The following FGR variants were observed in gnomAD, a reference collection of about 807,000 sequenced individuals.
FGR encodes FGR proto-oncogene, Src family tyrosine kinase, also known as tyrosine-protein kinase Fgr.
A neutral mutation model predicts 63.2 loss-of-function variants in FGR; 26 were observed. The observed-to-expected ratio is 0.41, with a 90% CI of 0.30 to 0.57. FGR has a LOEUF of 0.57. Among genes scored for constraint, FGR ranks in the 20% least tolerant of loss-of-function variants. The pLI, the probability that FGR is intolerant of heterozygous loss-of-function variation, is 0.27. For synonymous variants in FGR, 286 were observed against 277.7 expected (o/e 1.03, Z -0.30); for missense variants, 511 against 690.8 (o/e 0.74, Z 2.92).
At chr1:27,613,476 G>A (rs2089735981) in intron 11 of FGR, 126 bp from the exon 12 acceptor site, 2 of 1,034,666 alleles carry the variant, frequency 1.9e-6, no homozygotes, top group Non-Finnish European at 2.8e-6. Flanking sequence ...GCCAAGGCAG[G>A]CGGATCACTT....
At position 27,612,997 on chromosome 1, in the gene FGR, G is replaced by C. The variant is rs200096273; in HGVS notation, c.1507C>G (p.Pro503Ala). 6.2e-7 allele frequency: 1 copy of C among 1,614,110 alleles called. No homozygotes were observed. Among genetic ancestry groups the C allele is most frequent in the African/African-American group, 1.3e-5 (1 of 74,942 alleles). Reference protein sequence around the residue: ...QTWRLDPEERPTFEYLQSFLE... With the variant: ...QTWRLDPEERATFEYLQSFLE... ...AAGGACTGCAGGTACTCGAAGGTAG[G>C]CCTCTCCTCCGGGTCCAGACGCCAG... is the stretch of plus-strand genomic sequence containing the variant. The change falls in exon 13 of 13, where the codon CCT becomes GCT. Residue 503 changes from proline (P) to alanine (A), a missense_variant. Pro to Ala is a conservative substitution (Grantham distance 27). Transcript: ENST00000374005.
intron 1 of FGR, chr1:27,626,320 T>C (rs1392400373): frequency 2.5e-6 from 1 of 397,698 alleles, no homozygotes; most frequent in Non-Finnish European, 4.4e-6. Flanking sequence ...TTGTGAACCC[T>C]GATTTGCCCC....
chr1:27,631,170 G>C (rs1175731788), intron 1 of FGR, among the ~76,000 whole-genome samples: 1 of 152,194 alleles, frequency 6.6e-6, no homozygotes, highest in South Asian at 2.1e-4. Context: ...ATTAATTCAA[G>C]TCCAGAGTTC....
chr1:27,614,099 A>G (rs186376657), intron 11 of FGR, among the ~76,000 whole-genome samples: 64 of 152,348 alleles, frequency 4.2e-4, no homozygotes, highest in African/African-American at 1.5e-3. Context: ...CAGAATTCCC[A>G]CTGTTACACG....
chr1:27,628,586 G>T (rs1312721645), intron 1 of FGR, among the ~76,000 whole-genome samples: 1 of 145,932 alleles, frequency 6.9e-6, no homozygotes, highest in Non-Finnish European at 1.5e-5. Context: ...CGGTGACATG[G>T]ACCCACATAG....
At chr1:27,629,784 G>A (rs2090078666) in intron 1 of FGR, among the ~76,000 whole-genome samples, 1 of 152,224 alleles carries the variant, frequency 6.6e-6, no homozygotes, top group South Asian at 2.1e-4. Flanking sequence ...GTGGGTTTAT[G>A]ACTACCCTTA....
chr1:27,616,841 A>G lies in FGR; in HGVS notation c.682+16T>C. ...TTCAGTTGGTTGGTTCAGGGATCTGAGGCCCCTGCCCTCACCCATGTAGTG... is the reference window on the plus strand; with the variant it reads ...TTCAGTTGGTTGGTTCAGGGATCTGGGGCCCCTGCCCTCACCCATGTAGTG... On this transcript the variant is annotated intron_variant, in intron 7 of 12. Transcript: ENST00000374005. This position sits in a 1 kb window ranked among gnomAD's most constrained non-coding sequence, Gnocchi z 4.3. 1.2e-6 allele frequency: 2 copies of G among 1,613,800 alleles called. No individual in the cohort carries two copies. Among genetic ancestry groups the G allele is most frequent in the Non-Finnish European group, 1.7e-6 (2 of 1,179,822 alleles).
intron 4 of FGR, among the ~76,000 whole-genome samples, chr1:27,622,453 C>G (rs1355115269): frequency 6.6e-6 from 1 of 151,972 alleles, no homozygotes; most frequent in Non-Finnish European, 1.5e-5. Context: ...CTCTCTTCCT[C>G]TTTTCTTACC....
intron 1 of FGR, chr1:27,626,168 C>G (rs555554699): frequency 5.0e-6 from 2 of 398,666 alleles, no homozygotes; most frequent in African/African-American, 4.1e-5. Context: ...ATCCTCTGAG[C>G]AACAGGGCAG....
intron 10 of FGR, 47 bp from the exon 11 acceptor site, chr1:27,614,630 A>C (rs780430975): frequency 6.2e-7 from 1 of 1,602,968 alleles, no homozygotes; most frequent in East Asian, 2.2e-5. Context: ...TGGACTCACA[A>C]CACCGTGGCC....
At chr1:27,632,041 G>C (rs926088566) in intron 1 of FGR, among the ~76,000 whole-genome samples, 2 of 151,418 alleles carry the variant, frequency 1.3e-5, no homozygotes, top group Admixed American at 1.3e-4. Context: ...TCCTCTCACC[G>C]AGACCCTCCA....
At chr1:27,626,959 G>C (rs1443060314) in intron 1 of FGR, among the ~76,000 whole-genome samples, 1 of 151,960 alleles carries the variant, frequency 6.6e-6, no homozygotes, top group Non-Finnish European at 1.5e-5. Context: ...TTGAGCCCAG[G>C]AGCTTGAGAC....
rs1222768368 is a variant in FGR, at chr1:27,613,083, C to T, written c.1421G>A (p.Gly474Asp). The change falls in exon 13 of 13, where the codon GGC becomes GAC. Residue 474 changes from glycine to aspartate, a missense_variant. Gly to Asp is a moderately conservative substitution (Grantham distance 94, BLOSUM62 -1). Transcript: ENST00000374005. Reference sequence around the variant, plus strand: ...GCCTGGAGGGCACGGCATGTGGTAGCCCTGCTCCACCTGTTCCAACACTTC... The same window carrying T: ...GCCTGGAGGGCACGGCATGTGGTAGTCCTGCTCCACCTGTTCCAACACTTC... ...KREVLEQVEQ[G>D]YHMPCPPGCP... is the part of the protein sequence containing the mutation. 1.2e-6 allele frequency: 2 copies of T among 1,614,188 alleles called. No individual in the cohort carries two copies. The highest frequency in any genetic ancestry group is 1.7e-6 in the Non-Finnish European group (2 of 1,180,030).
At chr1:27,622,722 T>C (rs1006048699) in intron 4 of FGR, among the ~76,000 whole-genome samples, 1 of 152,184 alleles carries the variant, frequency 6.6e-6, no homozygotes. Context: ...GCCAGGCTGG[T>C]CTCGAACTCC....
At chr1:27,621,521 C>T (rs773265044) in intron 5 of FGR, 38 bp downstream of exon 5, 9 of 1,502,890 alleles carry the variant, frequency 6.0e-6, no homozygotes, top group Non-Finnish European at 8.3e-6. Context: ...CTCCAGGGTC[C>T]TGTCCATAGG....
At chr1:27,628,142 C>G (rs2090050801) in intron 1 of FGR, among the ~76,000 whole-genome samples, 1 of 150,922 alleles carries the variant, frequency 6.6e-6, no homozygotes, top group Non-Finnish European at 1.5e-5. Flanking sequence ...TCACTGCACT[C>G]CAGCCTGAGT....
intron 1 of FGR, among the ~76,000 whole-genome samples, chr1:27,634,800 A>T (rs2090155723): frequency 6.8e-6 from 1 of 148,116 alleles, no homozygotes; most frequent in Non-Finnish European, 1.5e-5. Flanking sequence ...TACCCACTAG[A>T]CCTTTTTGGG....
At position 27,614,503 on chromosome 1, in the gene FGR, C is replaced by T. The variant is rs780417214; in HGVS notation, c.1176G>A (p.Glu392=). Residue 392 remains glutamate (E), a synonymous_variant, in exon 11 of 13, where the codon GAG becomes GAA. Transcript: ENST00000374005. ...AGTCTGCGATCTTGCACGCCAGCCG[C>T]TCCCCAACCAGGATGTTGGCTGCCC... ...DLRAANILVG[E]RLACKIADFG... 6.2e-6 allele frequency: 10 copies of T among 1,613,902 alleles called. No individual in the cohort carries two copies. The East Asian group carries it at 2.2e-4, about 36-fold the overall frequency.
chr1:27,617,580 C>T lies in FGR; in HGVS notation c.429-284G>A, dbSNP rs1327504279. ...AGGGTGCCATGGAGCCTCAGTTCATCTCACTGTAGCCCTTCTGTGCACTCA... is the reference window on the plus strand; with the variant it reads ...AGGGTGCCATGGAGCCTCAGTTCATTTCACTGTAGCCCTTCTGTGCACTCA... On this transcript the variant is annotated intron_variant, in intron 5 of 12. Transcript: ENST00000374005. This position sits in a 1 kb window ranked among gnomAD's most constrained non-coding sequence, Gnocchi z 4.5. 6.6e-6 allele frequency among the ~76,000 whole-genome samples: 1 copy of T among 152,218 alleles called. No individual in the cohort carries two copies. The highest frequency in any genetic ancestry group is 2.4e-5 in the African/African-American group (1 of 41,452).
Sources: allele counts gnomAD v4.1 joint callset (sites outside exome capture counted in the v4.1 genomes callset), GRCh38; gene constraint gnomAD v4.1.1; non-coding constraint Gnocchi (gnomAD v3.1); transcripts MANE v1.5; gene names NCBI Gene and HGNC (gene_info 2026-07-23, HGNC 2026-07-21).